Variants in BTBD9 observed in about 807,000 individuals in gnomAD.
BTBD9 encodes the protein BTB/POZ domain-containing protein 9.
Under a neutral mutation model 64.3 loss-of-function variants are expected in BTBD9, and 49 were observed. That is an observed-to-expected ratio of 0.76 (90% CI 0.61 to 0.97). The LOEUF (loss-of-function observed/expected upper bound fraction) is 0.97. Among genes scored for constraint, BTBD9 ranks in the 50% least tolerant of loss-of-function variants. BTBD9 has a pLI of 0.00. For missense variants in BTBD9, 598 were observed against 762.1 expected, an observed-to-expected ratio of 0.78 and a Z score of 2.53; for synonymous variants, 260 against 274.7, an observed-to-expected ratio of 0.95 and a Z score of 0.53.
Position 38,598,081 on chromosome 6 carries a change from T to C in BTBD9, c.14A>G (p.His5Arg). The C allele has an allele frequency of 6.2e-7, 1 of 1,612,972 alleles. No homozygotes were observed. The highest frequency in any genetic ancestry group is 8.5e-7 in the Non-Finnish European group (1 of 1,179,510). The change falls in exon 2 of 11, where the codon CAC becomes CGC. Residue 5 changes from histidine to arginine, a missense_variant. Physicochemically the swap from His to Arg is conservative, Grantham distance 29. Coordinates refer to ENST00000481247, the MANE Select transcript of BTBD9 (RefSeq NM_001099272.2). MSNS[H>R]PLRPFTAVGE... ...CACTGCAGTAAAGGGGCGAAGAGGG[T>C]GGCTGTTACTCATCTTGTGGAATAG...
In BTBD9 at chr6:38,477,883, A is replaced by G. The variant is rs950403573; in HGVS notation, c.1154+99717T>C. Among the ~76,000 whole-genome samples, 6 of 152,204 alleles carry G rather than the reference A, an allele frequency of 3.9e-5. No individual in the cohort carries two copies. In the South Asian group the frequency reaches 8.3e-4, roughly 21 times the overall value. On this transcript the variant is annotated intron_variant, in intron 6 of 10. Coordinates refer to ENST00000481247, the MANE Select transcript of BTBD9 (RefSeq NM_001099272.2). ...GCCATCAGTGGCTCTGTGGTGAGGC[A>G]GCATGGTTTAGTGGAAAGACAATTC...
intron 7 of BTBD9, among the ~76,000 whole-genome samples, chr6:38,308,022 G>A (rs369509973): frequency 6.6e-6 from 1 of 152,194 alleles, no homozygotes; most frequent in East Asian, 1.9e-4. Context: ...CTCACACTGG[G>A]GCCTTTGAAT....
chr6:38,523,864 T>G (rs902731384), intron 6 of BTBD9, among the ~76,000 whole-genome samples: 1 of 152,226 alleles, frequency 6.6e-6, no homozygotes, highest in African/African-American at 2.4e-5. Context: ...ATATTGCTAA[T>G]GAATGGCAGA....
rs187347682 is a variant in BTBD9, at chr6:38,285,491, C to G, written c.1454+2781G>C. Among the ~76,000 whole-genome samples, 139 of 151,476 alleles carry G rather than the reference C, an allele frequency of 9.2e-4. 1 individual carries two copies. The highest frequency in any genetic ancestry group is 3.3e-3 in the African/African-American group (137 of 41,242). ...ATTTTAGGCATCTTGGTTTGAGATG[C>G]GCATAGAACACTGTTAGATGGTGGC... On this transcript the variant is annotated intron_variant, in intron 8 of 10. Coordinates refer to ENST00000481247, the MANE Select transcript of BTBD9 (RefSeq NM_001099272.2).
intron 10 of BTBD9, among the ~76,000 whole-genome samples, chr6:38,187,949 A>G (rs9470819): frequency 0.68 from 102,481 of 151,546 alleles, 35,790 homozygotes; most frequent in Non-Finnish European, 0.74. Flanking sequence ...TGCCGAGGCC[A>G]CTGTCACCTG....
At chr6:38,468,515 G>A (rs1213938326) in intron 6 of BTBD9, among the ~76,000 whole-genome samples, 2 of 152,192 alleles carry the variant, frequency 1.3e-5, no homozygotes, top group African/African-American at 4.8e-5. Context: ...AACCTTCCCT[G>A]CAAATATGGG....
intron 6 of BTBD9, among the ~76,000 whole-genome samples, chr6:38,535,164 C>T (rs1003891368): frequency 1.3e-5 from 2 of 152,028 alleles, no homozygotes; most frequent in African/African-American, 4.8e-5. Context: ...ATTCAGTAAA[C>T]TTGCAATATA....
chr6:38,297,965 C>G (rs1762223478), intron 7 of BTBD9, among the ~76,000 whole-genome samples: 1 of 151,778 alleles, frequency 6.6e-6, no homozygotes, highest in South Asian at 2.1e-4. Context: ...CTCAGCCTCC[C>G]AAGTAGCTCG....
intron 9 of BTBD9, among the ~76,000 whole-genome samples, chr6:38,228,339 T>G (rs2127514411): frequency 4.7e-5 from 4 of 84,648 alleles, no homozygotes; most frequent in Admixed American, 1.5e-4. Context: ...GGCAAGACCC[T>G]GTCCCCCCCC....
At chr6:38,364,765 A>T (rs1026558417) in intron 6 of BTBD9, among the ~76,000 whole-genome samples, 1 of 152,206 alleles carries the variant, frequency 6.6e-6, no homozygotes, top group Non-Finnish European at 1.5e-5. Flanking sequence ...TAGTGTGTCT[A>T]ACAGGATAAA....
intron 6 of BTBD9, among the ~76,000 whole-genome samples, chr6:38,475,714 A>G (rs1455631231): frequency 1.3e-5 from 2 of 152,166 alleles, no homozygotes; most frequent in Non-Finnish European, 2.9e-5. Flanking sequence ...AGAACAGCAT[A>G]CCCATGATCT....
intron 9 of BTBD9, among the ~76,000 whole-genome samples, chr6:38,205,675 G>C (rs1281704582): frequency 1.3e-5 from 2 of 151,784 alleles, no homozygotes; most frequent in African/African-American, 4.8e-5. Flanking sequence ...CTTGAGGCCA[G>C]GAGTTCGAGA....
intron 6 of BTBD9, among the ~76,000 whole-genome samples, chr6:38,529,778 A>G (rs1481645331): frequency 6.6e-6 from 1 of 152,194 alleles, no homozygotes; most frequent in Non-Finnish European, 1.5e-5. Flanking sequence ...CAGGACCACT[A>G]TGATAATTGT....
At chr6:38,230,626 G>A (rs1763569242) in intron 9 of BTBD9, among the ~76,000 whole-genome samples, 2 of 150,936 alleles carry the variant, frequency 1.3e-5, no homozygotes, top group Non-Finnish European at 2.9e-5. Flanking sequence ...GGTCATATAT[G>A]ATCGGAGATC....
intron 8 of BTBD9, among the ~76,000 whole-genome samples, chr6:38,259,686 G>A (rs142587302): frequency 4.9e-4 from 75 of 152,254 alleles, no homozygotes; most frequent in Admixed American, 1.5e-3. Flanking sequence ...TAAAGGGCTC[G>A]CCTTCCCTTT....
At chr6:38,529,815 C>CAT (rs1582584422) in intron 6 of BTBD9, among the ~76,000 whole-genome samples, 20 of 148,158 alleles carry the variant, frequency 1.3e-4, no homozygotes, top group South Asian at 8.7e-4. Flanking sequence ...GATTGTAAAA[C>CAT]GTGTGTTTGA....
chr6:38,251,144 A>T (rs192526943), intron 9 of BTBD9, among the ~76,000 whole-genome samples: 3 of 151,788 alleles, frequency 2.0e-5, no homozygotes, highest in Non-Finnish European at 4.4e-5. Context: ...ATTTTAAAAG[A>T]TAAATACTAA....
intron 7 of BTBD9, among the ~76,000 whole-genome samples, chr6:38,328,807 C>T (rs1336608846): frequency 6.6e-6 from 1 of 151,648 alleles, no homozygotes; most frequent in African/African-American, 2.4e-5. Flanking sequence ...ATTAGCCAGG[C>T]GTGGTGGCGG....
intron 9 of BTBD9, among the ~76,000 whole-genome samples, chr6:38,253,046 G>C (rs981676812): frequency 6.6e-6 from 1 of 152,086 alleles, no homozygotes; most frequent in Non-Finnish European, 1.5e-5. Flanking sequence ...CCTGGGAGGC[G>C]GAGGTTCCAG....
Sources: allele counts gnomAD v4.1 joint callset (sites outside exome capture counted in the v4.1 genomes callset), GRCh38; gene constraint gnomAD v4.1.1; transcripts MANE v1.5; gene names NCBI Gene and HGNC (gene_info 2026-07-23, HGNC 2026-07-21).